ZNF521: variants seen among roughly 807,000 people sequenced by gnomAD.
ZNF521 encodes the protein LYST-interacting protein 3.
Under a neutral mutation model 105.5 loss-of-function variants are expected in ZNF521, and 14 were observed. The ratio of observed to expected loss-of-function variants is 0.13; its 90% CI spans 0.09 to 0.21. The LOEUF is 0.21. Among genes scored for constraint, ZNF521 ranks in the 10% least tolerant of loss-of-function variants. The probability of loss-of-function intolerance (pLI) is 1.00; values close to 1 mark genes in which losing one functional copy is unlikely to be tolerated. For synonymous variants in ZNF521, 635 were observed against 606.0 expected (o/e 1.05, Z -0.70); for missense variants, 1,233 against 1,629.7 (o/e 0.76, Z 4.19).
At chr18:25,286,203 A>G (rs1481450266) in intron 3 of ZNF521, among the ~76,000 whole-genome samples, 2 of 152,164 alleles carry the variant, frequency 1.3e-5, no homozygotes, top group Non-Finnish European at 2.9e-5. Context: ...TCTGGCACTG[A>G]TGAGAGAGTC....
chr18:25,137,213 A>G (rs2034751980), intron 5 of ZNF521, among the ~76,000 whole-genome samples: 5 of 152,204 alleles, frequency 3.3e-5, no homozygotes, highest in Non-Finnish European at 1.5e-5. Flanking sequence ...GCAGTGTTAA[A>G]GAACAACCAC....
intron 5 of ZNF521, among the ~76,000 whole-genome samples, chr18:25,145,438 A>G (rs2034925217): frequency 6.6e-6 from 1 of 152,130 alleles, no homozygotes; most frequent in African/African-American, 2.4e-5. Flanking sequence ...AACAGTGGCA[A>G]AACCTATGGC....
chr18:25,287,395 G>T (rs945818379), intron 3 of ZNF521, among the ~76,000 whole-genome samples: 1 of 152,180 alleles, frequency 6.6e-6, no homozygotes, highest in Non-Finnish European at 1.5e-5. Context: ...GACTGTCAGA[G>T]GAGTTTTTGT....
intron 7 of ZNF521, among the ~76,000 whole-genome samples, chr18:25,065,950 T>C (rs535550932): frequency 3.3e-5 from 5 of 152,352 alleles, no homozygotes; most frequent in South Asian, 2.1e-4. Flanking sequence ...AAAGGAGTTA[T>C]GTTTTGCATA....
rs375194752 is a variant in ZNF521, at chr18:25,224,717, G to A, written c.3201C>T (p.Cys1067=). The change falls in exon 4 of 8, where the codon TGC becomes TGT. Residue 1067 remains cysteine, a synonymous_variant. Coordinates refer to ENST00000361524, the MANE Select transcript of ZNF521 (RefSeq NM_015461.3). Reference sequence around the variant, plus strand: ...AACGGAATTCTTTGAGGCAAGATGCGCACTTATACAGTTTTTGGACGTGCT... The same window carrying A: ...AACGGAATTCTTTGAGGCAAGATGCACACTTATACAGTTTTTGGACGTGCT... ...RGQHVQKLYK[C]ASCLKEFRSK... The A allele has an allele frequency of 3.6e-5, 58 of 1,613,794 alleles. No individual in the cohort carries two copies. Among genetic ancestry groups the A allele is most frequent in the Non-Finnish European group, 4.1e-5 (48 of 1,179,970 alleles).
intron 2 of ZNF521, among the ~76,000 whole-genome samples, chr18:25,339,356 G>A (rs746653762): frequency 5.3e-5 from 8 of 152,130 alleles, no homozygotes; most frequent in Non-Finnish European, 1.2e-4. Context: ...TCTTTCATTC[G>A]AAAACATATG....
At chr18:25,328,400 TAAACACAC>T (rs1913355766) in intron 2 of ZNF521, among the ~76,000 whole-genome samples, 2 of 98,802 alleles carry the variant, frequency 2.0e-5, no homozygotes, top group South Asian at 7.1e-4. Context: ...TAGGGGAGGT[TAAACACAC>T]ACACACACAC....
chr18:25,318,093 C>A (rs979470918), intron 3 of ZNF521, among the ~76,000 whole-genome samples: 1 of 151,972 alleles, frequency 6.6e-6, no homozygotes, highest in African/African-American at 2.4e-5. Flanking sequence ...GAATGTAAAA[C>A]AAATAATGAT....
At chr18:25,067,437 T>C (rs1028181863) in intron 7 of ZNF521, among the ~76,000 whole-genome samples, 1 of 152,168 alleles carries the variant, frequency 6.6e-6, no homozygotes, top group Non-Finnish European at 1.5e-5. Context: ...ATGAGATGCC[T>C]TTCATTTTAC....
At chr18:25,101,977 A>G (rs2033973503) in intron 5 of ZNF521, among the ~76,000 whole-genome samples, 1 of 152,234 alleles carries the variant, frequency 6.6e-6, no homozygotes, top group Non-Finnish European at 1.5e-5. Flanking sequence ...GTGTCAAAAT[A>G]TATCAGCAAA....
intron 7 of ZNF521, among the ~76,000 whole-genome samples, chr18:25,089,038 T>TAC (rs1444244644): frequency 6.6e-6 from 1 of 152,214 alleles, no homozygotes; most frequent in Non-Finnish European, 1.5e-5. Context: ...AGAGTACGAT[T>TAC]TCTTTCTTTT....
intron 6 of ZNF521, among the ~76,000 whole-genome samples, chr18:25,090,461 T>G (rs527852128): frequency 1.3e-5 from 2 of 152,340 alleles, no homozygotes; most frequent in Admixed American, 1.3e-4. Flanking sequence ...TAATCACATT[T>G]CTCATTACCT....
intron 3 of ZNF521, among the ~76,000 whole-genome samples, chr18:25,250,563 T>C (rs1314001870): frequency 1.3e-5 from 2 of 152,218 alleles, no homozygotes; most frequent in Non-Finnish European, 2.9e-5. Flanking sequence ...TTTCACCTAT[T>C]GGCCTTAGAG....
At chr18:25,200,458 C>T (rs2035973612) in intron 4 of ZNF521, among the ~76,000 whole-genome samples, 1 of 151,420 alleles carries the variant, frequency 6.6e-6, no homozygotes, top group Non-Finnish European at 1.5e-5. Context: ...TTGCTCAATA[C>T]AAAAATAATA....
intron 4 of ZNF521, among the ~76,000 whole-genome samples, chr18:25,195,565 T>C (rs1040167694): frequency 1.7e-5 from 2 of 118,760 alleles, no homozygotes; most frequent in African/African-American, 5.6e-5. Flanking sequence ...TAAAAAAACA[T>C]GCGTATTAAA....
intron 3 of ZNF521, among the ~76,000 whole-genome samples, chr18:25,303,241 T>C: frequency 1.0e-5 from 1 of 95,856 alleles, no homozygotes; most frequent in South Asian, 2.8e-4. Flanking sequence ...TAGAATTCTG[T>C]GAAAAAAAAA....
At chr18:25,098,537 T>G (rs1370796473) in intron 5 of ZNF521, among the ~76,000 whole-genome samples, 1 of 151,964 alleles carries the variant, frequency 6.6e-6, no homozygotes, top group Non-Finnish European at 1.5e-5. Flanking sequence ...AGAAAAAAAT[T>G]GTTAGCCAAG....
chr18:25,092,984 A>G (rs1290944748), intron 5 of ZNF521, among the ~76,000 whole-genome samples: 1 of 152,224 alleles, frequency 6.6e-6, no homozygotes, highest in Non-Finnish European at 1.5e-5. Flanking sequence ...AACCAGGGGC[A>G]CTAGAGCTAG....
intron 4 of ZNF521, among the ~76,000 whole-genome samples, chr18:25,200,740 C>A (rs949163439): frequency 1.7e-4 from 26 of 152,094 alleles, no homozygotes; most frequent in African/African-American, 6.0e-4. Flanking sequence ...GCTGACCAGT[C>A]TAGAGTTTAT....
Sources: gnomAD v4.1 joint callset for allele counts (sites outside exome capture counted in the v4.1 genomes callset) on GRCh38, gnomAD v4.1.1 for gene constraint, MANE v1.5 for transcripts, NCBI Gene and HGNC (gene_info 2026-07-23, HGNC 2026-07-21) for gene names.